Variants in ANKH observed in about 807,000 individuals in gnomAD.
The protein encoded by ANKH is ANKH inorganic pyrophosphate transport regulator.
In ANKH, 15 loss-of-function variants were observed where a neutral mutation model predicts 49.0. The ratio of observed to expected loss-of-function variants is 0.31; its 90% confidence interval spans 0.20 to 0.47. The LOEUF is 0.47. Among genes scored for constraint, ANKH ranks in the 20% least tolerant of loss-of-function variants. The probability of loss-of-function intolerance (pLI) is 1.00; values close to 1 mark genes in which losing one functional copy is unlikely to be tolerated. For missense variants in ANKH, 429 were observed against 652.0 expected (o/e 0.66, Z 3.72); for synonymous variants, 273 against 260.0 (o/e 1.05, Z -0.48).
intron 1 of ANKH, among the ~76,000 whole-genome samples, chr5:14,832,908 C>T (rs751118175): frequency 2.6e-5 from 4 of 152,182 alleles, no homozygotes; most frequent in Non-Finnish European, 5.9e-5. Context: ...AGAAATTTGT[C>T]TGCAAAAATT....
At position 14,706,189 on chromosome 5, in the gene ANKH, T is replaced by C. The variant is rs900679809; in HGVS notation, c.*5008A>G. The stretch of plus-strand genomic sequence containing the variant: ...TGTTAGTAAAGTGCACTTTAAGTTA[T>C]GTAGCCTAACTTAAAAACAGGTACT... On this transcript the variant is annotated 3_prime_UTR_variant, in exon 12 of 12. Transcript: ENST00000284268. 6.6e-6 allele frequency: 1 copy of C among 152,228 alleles called. No individual in the cohort carries two copies. Among genetic ancestry groups the C allele is most frequent in the African/African-American group, 2.4e-5 (1 of 41,464 alleles). The allele number at this position is 152,228 out of a possible 1,614,324, so 9.4% of individuals were successfully genotyped here.
rs557010886 is a variant in ANKH, at chr5:14,707,143, A to G, written c.*4054T>C. 5 of 152,378 alleles carry G rather than the reference A, an allele frequency of 3.3e-5. No homozygotes were observed. The highest frequency in any genetic ancestry group is 1.2e-4 in the African/African-American group (5 of 41,580). The allele number at this position is 152,378 out of a possible 1,614,324, so 9.4% of individuals were successfully genotyped here. The stretch of plus-strand genomic sequence containing the variant: ...ACCTGCAAAGCTGGTACTAACCGGC[A>G]CATGCTGTCCTGGGCACTGTTCTGC... On this transcript the variant is annotated 3_prime_UTR_variant, in exon 12 of 12. Coordinates refer to ENST00000284268, the MANE Select transcript of ANKH (RefSeq NM_054027.6).
At chr5:14,785,919 G>A (rs943580996) in intron 1 of ANKH, among the ~76,000 whole-genome samples, 17 of 151,784 alleles carry the variant, frequency 1.1e-4, no homozygotes, top group South Asian at 6.3e-4. Flanking sequence ...GTTGGCAGGC[G>A]CCTGTAATCC....
intron 1 of ANKH, among the ~76,000 whole-genome samples, chr5:14,833,495 A>T (rs1741564591): frequency 6.6e-6 from 1 of 152,196 alleles, no homozygotes. Context: ...AGGAGGCCAA[A>T]ACGAGATTCT....
chr5:14,727,751 T>G (rs926961968), intron 8 of ANKH, among the ~76,000 whole-genome samples: 2 of 152,068 alleles, frequency 1.3e-5, no homozygotes, highest in African/African-American at 4.8e-5. Flanking sequence ...TTAGTGGGTA[T>G]AGGGTTTCAG....
At chr5:14,716,496 A>C (rs764302228) in intron 9 of ANKH, among the ~76,000 whole-genome samples, 4 of 126,640 alleles carry the variant, frequency 3.2e-5, no homozygotes, top group Non-Finnish European at 7.2e-5. Context: ...TGTCTCCAAT[A>C]AATAAATAAA....
rs751362047 is a variant in ANKH at position 14,711,146 on chromosome 5, G to A, written c.*51C>T. On this transcript the variant is annotated 3_prime_UTR_variant, in exon 12 of 12. Transcript: ENST00000284268. ...GATGGGAGAGGGAAGAGATGATGCC[G>A]AAGTGTCATCCTGACTGACTGTCCC... The A allele has an allele frequency of 9.8e-6, 14 of 1,434,994 alleles. No homozygotes were observed. The highest frequency in any genetic ancestry group is 2.3e-5 in the South Asian group (2 of 87,574). The allele number at this position is 1,434,994 out of a possible 1,614,324, so 88.9% of individuals were successfully genotyped here. A position where few individuals can be genotyped will look rare whatever the true frequency, so the allele number is the denominator to read the frequency against.
rs1251063638 is a variant in ANKH, at chr5:14,871,501, C to G, written c.-54G>C. On this transcript the variant is annotated 5_prime_UTR_variant, in exon 1 of 12. Coordinates refer to ENST00000284268, the MANE Select transcript of ANKH (RefSeq NM_054027.6). The stretch of plus-strand genomic sequence containing the variant: ...CATCTGCTGCCGCGAGGGGACTCTG[C>G]GGGGAGGCGAGGGGCGACGGGGCGA... The G allele has an allele frequency of 6.8e-7, 1 of 1,478,288 alleles. No individual in the cohort carries two copies. The highest frequency in any genetic ancestry group is 2.4e-5 in the East Asian group (1 of 41,684). 91.6% of individuals were successfully genotyped at this position (1,478,288 alleles called of 1,614,324 possible).
intron 8 of ANKH, among the ~76,000 whole-genome samples, chr5:14,721,303 A>G (rs1737651732): frequency 6.6e-6 from 1 of 152,178 alleles, no homozygotes; most frequent in South Asian, 2.1e-4. Flanking sequence ...AGCACACCCT[A>G]AATGCCCCTT....
At chr5:14,741,675 A>G (rs1429440447) in intron 8 of ANKH, 152 bp downstream of exon 8, 2 of 657,512 alleles carry the variant, frequency 3.0e-6, no homozygotes, top group Admixed American at 4.9e-5. Flanking sequence ...ACAATCGTTC[A>G]CATTTGAAGA....
intron 1 of ANKH, among the ~76,000 whole-genome samples, chr5:14,818,961 C>G (rs1280607536): frequency 5.3e-5 from 8 of 152,178 alleles, no homozygotes; most frequent in African/African-American, 1.9e-4. Flanking sequence ...TTAAATCATA[C>G]AATACTGTAT....
At chr5:14,847,574 G>A (rs1171248391) in intron 1 of ANKH, among the ~76,000 whole-genome samples, 1 of 152,214 alleles carries the variant, frequency 6.6e-6, no homozygotes, top group African/African-American at 2.4e-5. Context: ...CCTTCTAGCT[G>A]TCCTCTGGAT....
chr5:14,856,169 A>C (rs1018470721), intron 1 of ANKH, among the ~76,000 whole-genome samples: 22 of 151,942 alleles, frequency 1.4e-4, no homozygotes, highest in African/African-American at 5.1e-4. Flanking sequence ...AAAATAGAGG[A>C]GGCGGAGGCT....
chr5:14,795,062 A>T (rs1740331337), intron 1 of ANKH, among the ~76,000 whole-genome samples: 1 of 152,226 alleles, frequency 6.6e-6, no homozygotes, highest in Admixed American at 6.5e-5. Flanking sequence ...TCCAACGTGC[A>T]TCCACCCACA....
intron 8 of ANKH, among the ~76,000 whole-genome samples, chr5:14,730,704 G>A (rs999729746): frequency 2.0e-5 from 3 of 152,216 alleles, no homozygotes; most frequent in Admixed American, 1.3e-4. Context: ...TGTGCCCAGC[G>A]TACTTGCCAG....
At chr5:14,764,169 C>G (rs556197074) in intron 2 of ANKH, among the ~76,000 whole-genome samples, 1 of 152,312 alleles carries the variant, frequency 6.6e-6, no homozygotes, top group East Asian at 1.9e-4. Flanking sequence ...TATATCCCCA[C>G]TCTTTGTCAC....
chr5:14,836,102 T>C (rs62353766), intron 1 of ANKH, among the ~76,000 whole-genome samples: 13,713 of 152,202 alleles, frequency 0.09, 811 homozygotes, highest in Admixed American at 0.12. Context: ...AAACTAGGTA[T>C]TGATGGGACG....
At position 14,785,804 on chromosome 5, in the gene ANKH, C is replaced by T. The variant is rs183815952; in HGVS notation, c.97-16613G>A. On this transcript the variant is annotated intron_variant, in intron 1 of 11. Coordinates refer to ENST00000284268, the MANE Select transcript of ANKH (RefSeq NM_054027.6). ...GCGTGGTGGCTCACGCCTGTAATCC[C>T]AGCACTTTGGGAGGCTGAGGTGGGT... Among the ~76,000 whole-genome samples, 434 of 152,002 alleles carry T rather than the reference C, an allele frequency of 2.9e-3. 2 individuals carry two copies. The highest frequency in any genetic ancestry group is 9.9e-3 in the African/African-American group (410 of 41,466).
In ANKH at chr5:14,719,690, C is replaced by T. The variant is rs145160114; in HGVS notation, c.1012-2855G>A. ...TTGAGAAAGGAAGGGAATCAGGGCT[C>T]AGCGTCAGAGTTTATCGTAGTCACA... On this transcript the variant is annotated intron_variant, in intron 8 of 11. Coordinates refer to ENST00000284268, the MANE Select transcript of ANKH (RefSeq NM_054027.6). 2.3e-3 allele frequency among the ~76,000 whole-genome samples: 349 copies of T among 152,298 alleles called. 3 individuals are homozygous for T. The highest frequency in any genetic ancestry group is 8.1e-3 in the African/African-American group (336 of 41,554).
Sources: allele counts gnomAD v4.1 joint callset (sites outside exome capture counted in the v4.1 genomes callset), GRCh38; gene constraint gnomAD v4.1.1; transcripts MANE v1.5; gene names NCBI Gene and HGNC (gene_info 2026-07-23, HGNC 2026-07-21).